DDX59: variants seen among roughly 807,000 people sequenced by gnomAD.
DDX59 encodes DEAD-box helicase 59.
DDX59 carries 30 observed loss-of-function variants against 51.9 expected under a neutral mutation model. That is an observed-to-expected ratio of 0.58 (90% CI 0.43 to 0.78). The LOEUF (loss-of-function observed/expected upper bound fraction) is 0.78. DDX59 is among the 30% of genes least tolerant of loss of function. The pLI, the probability that DDX59 is intolerant of heterozygous loss-of-function variation, is 0.00. For synonymous variants in DDX59, 255 were observed against 253.3 expected (o/e 1.01, Z -0.06); for missense variants, 672 against 730.8 (o/e 0.92, Z 0.93).
downstream of DDX59, among the ~76,000 whole-genome samples, chr1:200,641,831 A>C (rs953901773): frequency 2.0e-5 from 3 of 152,002 alleles, no homozygotes; most frequent in Admixed American, 6.6e-5. Context: ...GGTGAAACCC[A>C]GTCTCTACTA....
At chr1:200,641,535 C>T (rs1425824507), downstream of DDX59, among the ~76,000 whole-genome samples, 2 of 149,802 alleles carry the variant, frequency 1.3e-5, no homozygotes, top group Non-Finnish European at 3.0e-5. Flanking sequence ...GAGTTTGAGA[C>T]CAGCCTGACC....
chr1:200,668,154 A>T (rs564082520), intron 1 of DDX59, among the ~76,000 whole-genome samples: 2 of 152,058 alleles, frequency 1.3e-5, no homozygotes, highest in Non-Finnish European at 2.9e-5. Flanking sequence ...CAAAACAAAA[A>T]AAATTAGCCG....
downstream of DDX59, among the ~76,000 whole-genome samples, chr1:200,642,176 C>T (rs75317070): frequency 1.3e-3 from 203 of 152,112 alleles, 2 homozygotes; most frequent in African/African-American, 4.7e-3. Context: ...AATAAAGCAA[C>T]CAATTCAGTA....
chr1:200,658,154 C>T (rs1662151546), intron 4 of DDX59, among the ~76,000 whole-genome samples: 1 of 152,196 alleles, frequency 6.6e-6, no homozygotes, highest in Non-Finnish European at 1.5e-5. Flanking sequence ...TGGGTAACGC[C>T]AGGCCTCTGC....
At chr1:200,643,434 G>A (rs1325103673), downstream of DDX59, among the ~76,000 whole-genome samples, 2 of 151,962 alleles carry the variant, frequency 1.3e-5, no homozygotes, top group Non-Finnish European at 2.9e-5. Flanking sequence ...ACAAAGTCAG[G>A]AGATTGAGAC....
intron 7 of DDX59, among the ~76,000 whole-genome samples, chr1:200,644,890 C>A (rs773274413): frequency 2.0e-5 from 2 of 98,454 alleles, no homozygotes; most frequent in African/African-American, 3.9e-5. Flanking sequence ...AAAAAGACTC[C>A]ATCTCAAAAA....
rs534739608 is a variant in DDX59, at chr1:200,657,124, C to A, written c.1062+1903G>T. On this transcript the variant is annotated intron_variant, in intron 4 of 7. Transcript: ENST00000331314. ...AATTAGCCAGGCTTGGTGGCACATG[C>A]CTGTAATCCCAGCTACTTGGGAGGC... Among the ~76,000 whole-genome samples the A allele has an allele frequency of 4.4e-4, 67 of 152,062 alleles. No individual in the cohort carries two copies. The Middle Eastern group carries it at 0.014, about 31-fold the overall frequency.
chr1:200,663,919 C>CTT lies in DDX59; in HGVS notation c.970_971dup (p.Val325ArgfsTer4), dbSNP rs1662538907. On this transcript the variant is annotated frameshift_variant and splice_region_variant, in exon 3 of 8. Coordinates refer to ENST00000331314, the MANE Select transcript of DDX59 (RefSeq NM_001031725.6). LOFTEE classifies it high-confidence loss of function. ...GACATTGTATCAAATCAGTGCTTAC[C>CTT]TTAACATGTTGTTGCAGACGATAAA... is the stretch of plus-strand genomic sequence containing the variant. 2.5e-6 allele frequency: 4 copies of CTT among 1,606,958 alleles called. No individual in the cohort carries two copies. Among genetic ancestry groups the CTT allele is most frequent in the Non-Finnish European group, 3.4e-6 (4 of 1,177,656 alleles).
intron 7 of DDX59, among the ~76,000 whole-genome samples, chr1:200,645,183 A>C (rs759454674): frequency 1.2e-4 from 18 of 152,220 alleles, no homozygotes; most frequent in Non-Finnish European, 2.4e-4. Flanking sequence ...AAATTCTGAA[A>C]GCCCCTGCAT....
rs1009362759 is a variant in DDX59, at chr1:200,644,439, C to A, written c.1675G>T (p.Asp559Tyr). The A allele has an allele frequency of 2.2e-5, 36 of 1,612,722 alleles. No homozygotes were observed. The highest frequency in any genetic ancestry group is 3.0e-5 in the Non-Finnish European group (35 of 1,179,520). ...INNNSKRLFW[D>Y]IAKRVKPTGS... ...GTGGGCTTTACTCGTTTTGCAATATCCCAGAAGAGTCTTTTTGAATTATTA... is the reference window on the plus strand; with the variant it reads ...GTGGGCTTTACTCGTTTTGCAATATACCAGAAGAGTCTTTTTGAATTATTA... The change falls in exon 8 of 8, where the codon GAT becomes TAT. Residue 559 changes from aspartate (D) to tyrosine (Y), a missense_variant. Transcript: ENST00000331314.
chr1:200,668,875 T>C (rs768571249), intron 1 of DDX59, among the ~76,000 whole-genome samples: 1 of 152,232 alleles, frequency 6.6e-6, no homozygotes, highest in African/African-American at 2.4e-5. Flanking sequence ...CCCAGGTCTT[T>C]AGATAACCTC....
intron 4 of DDX59, among the ~76,000 whole-genome samples, chr1:200,652,585 AC>A (rs1430046427): frequency 6.6e-6 from 1 of 150,382 alleles, no homozygotes; most frequent in Non-Finnish European, 1.5e-5. Flanking sequence ...CCCAGGCTCC[AC>A]CCCCACTTTC....
At chr1:200,660,452 G>A (rs1384225961) in intron 3 of DDX59, among the ~76,000 whole-genome samples, 1 of 152,150 alleles carries the variant, frequency 6.6e-6, no homozygotes, top group Non-Finnish European at 1.5e-5. Flanking sequence ...CAGAAAGGCG[G>A]CCCTGCATGG....
intron 4 of DDX59, chr1:200,655,008 C>A (rs147147829): frequency 6.6e-6 from 1 of 152,244 alleles, no homozygotes; most frequent in East Asian, 1.9e-4. Context: ...AGAAACCATA[C>A]GTTTCATGGA....
chr1:200,661,239 T>C (rs762324162), intron 3 of DDX59, among the ~76,000 whole-genome samples: 3 of 152,114 alleles, frequency 2.0e-5, no homozygotes, highest in African/African-American at 7.2e-5. Flanking sequence ...CAAATAATGA[T>C]AATAGATTGT....
chr1:200,648,273 T>C (rs1429842140), intron 7 of DDX59, among the ~76,000 whole-genome samples, 166 bp downstream of exon 7: 1 of 152,048 alleles, frequency 6.6e-6, no homozygotes, highest in East Asian at 1.9e-4. Context: ...ATGTGATCCA[T>C]CCATTTCGAG....
intron 2 of DDX59, among the ~76,000 whole-genome samples, chr1:200,665,487 AAAAG>A (rs778700546): frequency 8.4e-5 from 11 of 130,692 alleles, no homozygotes; most frequent in Non-Finnish European, 1.9e-4. Flanking sequence ...CGGTCCCAAA[AAAAG>A]AAAAAGAAAA....
chr1:200,665,403 A>T (rs537244124), intron 2 of DDX59, among the ~76,000 whole-genome samples: 1 of 152,118 alleles, frequency 6.6e-6, no homozygotes, highest in African/African-American at 2.4e-5. Flanking sequence ...GGATCACTTG[A>T]ACCTGGGAGG....
At chr1:200,642,075 A>T (rs141928322), downstream of DDX59, among the ~76,000 whole-genome samples, 492 of 152,300 alleles carry the variant, frequency 3.2e-3, 12 homozygotes, top group South Asian at 0.054. Context: ...TGGCATTAAA[A>T]GTATCTTATA....
Sources: allele counts gnomAD v4.1 joint callset (sites outside exome capture counted in the v4.1 genomes callset), GRCh38; gene constraint gnomAD v4.1.1; transcripts MANE v1.5; gene names NCBI Gene and HGNC (gene_info 2026-07-23, HGNC 2026-07-21).